FMN1: variants seen among roughly 807,000 people sequenced by gnomAD.
FMN1 encodes formin-1.
FMN1 carries 110 observed loss-of-function variants against 132.4 expected under a neutral mutation model. The observed-to-expected ratio is 0.83, with a 90% CI of 0.71 to 0.97. The LOEUF is 0.97. Among genes scored for constraint, FMN1 ranks in the 50% least tolerant of loss-of-function variants. The pLI is 0.00. For missense variants in FMN1, 1,792 were observed against 1,705.3 expected (o/e 1.05, Z -0.90); for synonymous variants, 722 against 651.7 (o/e 1.11, Z -1.64).
chr15:33,028,019 T>C (rs2035761076), intron 6 of FMN1, among the ~76,000 whole-genome samples: 1 of 152,182 alleles, frequency 6.6e-6, no homozygotes, highest in Non-Finnish European at 1.5e-5. Flanking sequence ...AAGTCAAAAT[T>C]TCTCCATGAG....
intron 12 of FMN1, among the ~76,000 whole-genome samples, chr15:32,904,984 T>C (rs1229687475): frequency 5.3e-5 from 8 of 152,238 alleles, no homozygotes; most frequent in East Asian, 1.9e-4. Flanking sequence ...TGAATATTTA[T>C]GGATTGAGTT....
chr15:33,151,304 AGGTT>A, intron 4 of FMN1: 1 of 1,536,410 alleles, frequency 6.5e-7, no homozygotes, highest in South Asian at 1.2e-5. Context: ...TTCTTTTATA[AGGTT>A]AGAAGCACAG....
At chr15:32,972,224 C>T (rs1423033658) in intron 7 of FMN1, among the ~76,000 whole-genome samples, 1 of 152,214 alleles carries the variant, frequency 6.6e-6, no homozygotes, top group Non-Finnish European at 1.5e-5. Flanking sequence ...CATTAGCTTG[C>T]TCTTGGCTCT....
At chr15:33,183,383 A>G (rs1965769528) in intron 2 of FMN1, among the ~76,000 whole-genome samples, 1 of 152,188 alleles carries the variant, frequency 6.6e-6, no homozygotes, top group Non-Finnish European at 1.5e-5. Context: ...AGTCCTTACG[A>G]TGGACACTGA....
chr15:32,973,749 C>A (rs1011516793), intron 7 of FMN1, among the ~76,000 whole-genome samples: 6 of 152,160 alleles, frequency 3.9e-5, no homozygotes, highest in Non-Finnish European at 8.8e-5. Flanking sequence ...CCAATTATTT[C>A]AAATTGTGTC....
In FMN1 at chr15:32,767,927, C is replaced by T. The variant is rs2056101876; in HGVS notation, c.*6383G>A. The T allele has an allele frequency of 2.6e-5, 4 of 152,120 alleles. No individual in the cohort carries two copies. The allele number at this position is 152,120 out of a possible 1,614,324, so 9.4% of individuals were successfully genotyped here. A position where few individuals can be genotyped will look rare whatever the true frequency, so the allele number is the denominator to read the frequency against. The stretch of plus-strand genomic sequence containing the variant: ...CACAATCTCAGTGGCGCTGAGCTAC[C>T]TTCTTTATGCCTTGTGGTCCAATGT... On this transcript the variant is annotated 3_prime_UTR_variant, in exon 21 of 21. Transcript: ENST00000616417.
chr15:33,122,458 C>T (rs973491945), intron 4 of FMN1, among the ~76,000 whole-genome samples: 10 of 152,304 alleles, frequency 6.6e-5, no homozygotes, highest in South Asian at 6.2e-4. Flanking sequence ...TTAGACAGTA[C>T]ACATTGGCTC....
intron 6 of FMN1, among the ~76,000 whole-genome samples, chr15:33,057,198 C>T (rs2037257071): frequency 6.6e-6 from 1 of 151,978 alleles, no homozygotes; most frequent in East Asian, 1.9e-4. Flanking sequence ...ATAAAACTAA[C>T]CTATAGTATT....
At chr15:33,021,788 A>G (rs2035429338) in intron 6 of FMN1, among the ~76,000 whole-genome samples, 1 of 152,208 alleles carries the variant, frequency 6.6e-6, no homozygotes, top group Admixed American at 6.5e-5. Context: ...ATGTTCTATC[A>G]TAATAGAGGT....
Position 32,902,050 on chromosome 15 carries a change from A to G in FMN1, c.3378-10T>C, listed in dbSNP as rs766287267. The G allele has an allele frequency of 1.9e-6, 3 of 1,603,354 alleles. No homozygotes were observed. The South Asian group carries it at 3.4e-5, about 18-fold the overall frequency. ...TAACTCATGTAAAAATCTGTAAAAA[A>G]GAAAATGTGTCATCTACCTTCACAT... On this transcript the variant is annotated splice_polypyrimidine_tract_variant and intron_variant, in intron 12 of 20. Transcript: ENST00000616417.
rs148820752 is a variant in FMN1, at chr15:32,984,071, C to T, written c.2224-14594G>A. Among the ~76,000 whole-genome samples the T allele has an allele frequency of 7.1e-3, 1,076 of 152,244 alleles. 15 individuals carry two copies. Among genetic ancestry groups the T allele is most frequent in the African/African-American group, 0.024 (1,016 of 41,540 alleles). ...ACAGCCTGTTTTCTACCGCATTATACTTATGATGAGTGTGATTTTTTTCAT... is the reference window on the plus strand; with the variant it reads ...ACAGCCTGTTTTCTACCGCATTATATTTATGATGAGTGTGATTTTTTTCAT... On this transcript the variant is annotated intron_variant, in intron 7 of 20. Coordinates refer to ENST00000616417, the MANE Select transcript of FMN1 (RefSeq NM_001277313.2).
At chr15:33,067,701 T>C (rs2037810530) in intron 5 of FMN1, 1 of 1,613,992 alleles carries the variant, frequency 6.2e-7, no homozygotes, top group Non-Finnish European at 8.5e-7. Flanking sequence ...ACGTCTAAAC[T>C]ATGGAATGCT....
At chr15:32,956,526 G>A (rs1272826299) in intron 9 of FMN1, among the ~76,000 whole-genome samples, 1 of 152,060 alleles carries the variant, frequency 6.6e-6, no homozygotes, top group African/African-American at 2.4e-5. Context: ...TTAAACTGAA[G>A]AACAGGAAAG....
chr15:33,103,488 C>T (rs995173908), intron 4 of FMN1, among the ~76,000 whole-genome samples: 1 of 152,076 alleles, frequency 6.6e-6, no homozygotes, highest in East Asian at 1.9e-4. Flanking sequence ...CTGAATTAGA[C>T]CCTGTAGAGG....
intron 9 of FMN1, among the ~76,000 whole-genome samples, chr15:32,957,678 C>A (rs2029969838): frequency 6.6e-6 from 1 of 152,102 alleles, no homozygotes; most frequent in African/African-American, 2.4e-5. Context: ...CTTTCCAAAG[C>A]TTTCACATTA....
intron 15 of FMN1, 89 bp downstream of exon 15, chr15:32,898,745 A>G: frequency 1.2e-6 from 1 of 823,410 alleles, no homozygotes; most frequent in Admixed American, 1.9e-5. Flanking sequence ...TTGGGCTTGC[A>G]GTTCGTTCAT....
intron 16 of FMN1, among the ~76,000 whole-genome samples, chr15:32,857,658 T>C (rs1370991769): frequency 1.3e-5 from 2 of 152,234 alleles, no homozygotes; most frequent in Non-Finnish European, 2.9e-5. Flanking sequence ...CCCGTTCACC[T>C]ACCCTTCCTT....
chr15:33,022,071 T>C lies in FMN1; in HGVS notation c.2162-13996A>G, dbSNP rs112005242. On this transcript the variant is annotated intron_variant, in intron 6 of 20. Coordinates refer to ENST00000616417, the MANE Select transcript of FMN1 (RefSeq NM_001277313.2). The stretch of plus-strand genomic sequence containing the variant: ...GGATACTAAAATCCGTGAGTCCTTA[T>C]ATATAAATGGTGTAGCATTTGTGTA... 7.4e-3 allele frequency among the ~76,000 whole-genome samples: 1,128 copies of C among 152,338 alleles called. 19 individuals carry two copies. The highest frequency in any genetic ancestry group is 0.024 in the African/African-American group (1,003 of 41,572).
chr15:33,127,403 A>G (rs1963195589), intron 4 of FMN1, among the ~76,000 whole-genome samples: 1 of 152,206 alleles, frequency 6.6e-6, no homozygotes, highest in African/African-American at 2.4e-5. Context: ...GTCTCAAAGG[A>G]TGGACCAGAA....
Sources: allele counts gnomAD v4.1 joint callset (sites outside exome capture counted in the v4.1 genomes callset), GRCh38; gene constraint gnomAD v4.1.1; transcripts MANE v1.5; gene names NCBI Gene and HGNC (gene_info 2026-07-23, HGNC 2026-07-21).